The following RMDN2 variants were observed in gnomAD, a reference collection of about 807,000 sequenced individuals.
RMDN2 encodes regulator of microtubule dynamics 2.
In RMDN2, 61 loss-of-function variants were observed where a neutral mutation model predicts 52.8. That is an observed-to-expected ratio of 1.16 (90% confidence interval 0.94 to 1.43). RMDN2 has a LOEUF of 1.43. Among genes scored for constraint, RMDN2 ranks in the 40% most tolerant of loss-of-function variants. The pLI, the probability that RMDN2 is intolerant of heterozygous loss-of-function variation, is 0.00. For synonymous variants in RMDN2, 180 were observed against 153.1 expected, an observed-to-expected ratio of 1.18 and a Z score of -1.30; for missense variants, 592 against 475.3, an observed-to-expected ratio of 1.25 and a Z score of -2.28.
intron 2 of RMDN2, among the ~76,000 whole-genome samples, chr2:37,945,040 C>A (rs758244113): frequency 6.6e-6 from 1 of 152,162 alleles, no homozygotes; most frequent in Non-Finnish European, 1.5e-5. Context: ...AGAATAGTAT[C>A]ACTTGCAGAC....
At chr2:38,061,028 T>A (rs1274121626) in intron 10 of RMDN2, among the ~76,000 whole-genome samples, 3 of 152,168 alleles carry the variant, frequency 2.0e-5, no homozygotes, top group Non-Finnish European at 4.4e-5. Context: ...AGTCCTTTGG[T>A]GCACATAAAA....
chr2:38,020,336 C>T (rs1188325665), downstream of RMDN2, among the ~76,000 whole-genome samples: 1 of 152,150 alleles, frequency 6.6e-6, no homozygotes, highest in Non-Finnish European at 1.5e-5. Flanking sequence ...GGCATTGATT[C>T]TCATGAGAGG....
intron 5 of RMDN2, among the ~76,000 whole-genome samples, chr2:37,989,023 T>A (rs183199457): frequency 9.2e-5 from 14 of 152,314 alleles, no homozygotes; most frequent in African/African-American, 2.9e-4. Context: ...TGATTTTGTT[T>A]TAATCGTGGT....
chr2:37,930,252 G>A (rs571781762), intron 2 of RMDN2, among the ~76,000 whole-genome samples: 38 of 152,170 alleles, frequency 2.5e-4, no homozygotes, highest in Non-Finnish European at 4.7e-4. Flanking sequence ...TAGCCACTTG[G>A]GCTACTGGCT....
chr2:38,026,983 A>G (rs961284179), intron 10 of RMDN2: 2 of 152,064 alleles, frequency 1.3e-5, no homozygotes, highest in Non-Finnish European at 2.9e-5. Flanking sequence ...ATTTAATGCC[A>G]TCATGGTCAG....
At chr2:38,061,088 AAGTATGTT>A (rs370731442) in intron 10 of RMDN2, among the ~76,000 whole-genome samples, 1 of 152,290 alleles carries the variant, frequency 6.6e-6, no homozygotes, top group Non-Finnish European at 1.5e-5. Flanking sequence ...CATTGTTGAA[AAGTATGTT>A]AGTTCCAAGA....
chr2:37,972,339 A>C (rs1343264552), intron 2 of RMDN2, among the ~76,000 whole-genome samples: 2 of 152,280 alleles, frequency 1.3e-5, no homozygotes, highest in Middle Eastern at 3.4e-3. Flanking sequence ...AACTATATGA[A>C]TATCTGGAGA....
At chr2:38,042,426 A>ACACACACACACACACACAC (rs1681021087) in intron 10 of RMDN2, among the ~76,000 whole-genome samples, 4 of 144,182 alleles carry the variant, frequency 2.8e-5, no homozygotes, top group African/African-American at 8.1e-5. Context: ...CACACACACC[A>ACACACACACACACACACAC]CACACACACA....
At chr2:37,925,144 C>G (rs1455613094), upstream of RMDN2, among the ~76,000 whole-genome samples, 1 of 152,106 alleles carries the variant, frequency 6.6e-6, no homozygotes, top group Non-Finnish European at 1.5e-5. Flanking sequence ...CCGGCGCGAG[C>G]CAGGCGCCCC....
chr2:38,012,321 A>T (rs1678115412), intron 10 of RMDN2, among the ~76,000 whole-genome samples: 1 of 152,194 alleles, frequency 6.6e-6, no homozygotes, highest in Non-Finnish European at 1.5e-5. Flanking sequence ...CACAGTTATT[A>T]TGTCATTATT....
intron 10 of RMDN2, among the ~76,000 whole-genome samples, chr2:38,041,182 G>A (rs1323552345): frequency 6.6e-6 from 1 of 152,086 alleles, no homozygotes; most frequent in African/African-American, 2.4e-5. Context: ...ATCAGGCCTT[G>A]CTATAAGAAT....
At chr2:37,970,135 GTTGT>G (rs1671602711) in intron 2 of RMDN2, among the ~76,000 whole-genome samples, 1 of 152,122 alleles carries the variant, frequency 6.6e-6, no homozygotes, top group Non-Finnish European at 1.5e-5. Flanking sequence ...GTTTTGCCAT[GTTGT>G]GCAGGCTAGT....
At chr2:37,946,318 T>C (rs751695568) in intron 2 of RMDN2, among the ~76,000 whole-genome samples, 4 of 151,980 alleles carry the variant, frequency 2.6e-5, no homozygotes, top group African/African-American at 4.8e-5. Context: ...TCAGGGAGGG[T>C]GGACTGTAGG....
rs147813526 is a variant in RMDN2 at position 37,959,276 on chromosome 2, T to C, written c.453-14764T>C. Reference sequence around the variant, plus strand: ...GGTAGAATTCAGCTGTGAATCCATCTGGACCTGGGCTTTTTATGGTTGGTA... The same window carrying C: ...GGTAGAATTCAGCTGTGAATCCATCCGGACCTGGGCTTTTTATGGTTGGTA... On this transcript the variant is annotated intron_variant, in intron 2 of 10. Coordinates refer to ENST00000354545, the MANE Select transcript of RMDN2 (RefSeq NM_001170791.3). 2.7e-3 allele frequency among the ~76,000 whole-genome samples: 410 copies of C among 151,152 alleles called. 22 individuals carry two copies. Among genetic ancestry groups the C allele is most frequent in the Middle Eastern group, 0.01 (3 of 294 alleles).
At position 37,989,589 on chromosome 2, in the gene RMDN2, C is replaced by G; in HGVS notation, c.840C>G (p.Asn280Lys). ...TATCTGAGTTTGAGGGTTTACAAAACAAAATCAACTATGGGCACCTCTTCA... is the reference window on the plus strand; with the variant it reads ...TATCTGAGTTTGAGGGTTTACAAAAGAAAATCAACTATGGGCACCTCTTCA... ...GYVSEFEGLQ[N>K]KINYGHLFKE... Residue 280 changes from asparagine (N) to lysine (K), a missense_variant, in exon 6 of 11, where the codon AAC becomes AAG. Physicochemically the swap from Asn to Lys is moderately conservative, Grantham distance 94. Coordinates refer to ENST00000354545, the MANE Select transcript of RMDN2 (RefSeq NM_001170791.3). 1 of 1,607,094 alleles carries G rather than the reference C, an allele frequency of 6.2e-7. No individual in the cohort carries two copies. Among genetic ancestry groups the G allele is most frequent in the Non-Finnish European group, 8.5e-7 (1 of 1,176,190 alleles).
chr2:37,993,766 G>A (rs1675136144), intron 7 of RMDN2, among the ~76,000 whole-genome samples: 1 of 151,212 alleles, frequency 6.6e-6, no homozygotes, highest in Non-Finnish European at 1.5e-5. Flanking sequence ...GCCTGGTGGG[G>A]GGTGGGGGGG....
intron 5 of RMDN2, among the ~76,000 whole-genome samples, chr2:37,985,310 C>G (rs965571745): frequency 6.6e-6 from 1 of 152,112 alleles, no homozygotes; most frequent in African/African-American, 2.4e-5. Flanking sequence ...TTTTGTGCAT[C>G]TCTAGATAAG....
chr2:38,040,719 T>C (rs1302250186), intron 10 of RMDN2, among the ~76,000 whole-genome samples: 1 of 152,262 alleles, frequency 6.6e-6, no homozygotes, highest in Non-Finnish European at 1.5e-5. Context: ...TGCCTTTCCA[T>C]ATAAAATTTA....
rs370998846 is a variant in RMDN2 at position 37,982,950 on chromosome 2, T to G, written c.791+1607T>G. 1.0e-3 allele frequency among the ~76,000 whole-genome samples: 152 copies of G among 152,288 alleles called. 1 individual carries two copies. Among genetic ancestry groups the G allele is most frequent in the African/African-American group, 3.2e-3 (135 of 41,558 alleles). ...TCATCGCGTTTGATAATGGAGGTAT[T>G]TGGGAACTGGTTAGCCTAATTAGGA... On this transcript the variant is annotated intron_variant, in intron 5 of 10. Transcript: ENST00000354545.
Sources: allele counts gnomAD v4.1 joint callset (sites outside exome capture counted in the v4.1 genomes callset), GRCh38; gene constraint gnomAD v4.1.1; transcripts MANE v1.5; gene names NCBI Gene and HGNC (gene_info 2026-07-23, HGNC 2026-07-21).